Variants in NRG3 observed in about 807,000 individuals in gnomAD.
NRG3 encodes the protein neuregulin 3.
Under a neutral mutation model 66.9 loss-of-function variants are expected in NRG3, and 31 were observed. The observed-to-expected ratio is 0.46, with a 90% confidence interval of 0.35 to 0.63. The LOEUF (loss-of-function observed/expected upper bound fraction) is 0.63, where lower values mean the gene tolerates loss of function less well. Among genes scored for constraint, NRG3 ranks in the 20% least tolerant of loss-of-function variants. The probability of loss-of-function intolerance (pLI) is 0.00; values close to 1 mark genes in which losing one functional copy is unlikely to be tolerated. For missense variants in NRG3, 910 were observed against 878.9 expected (o/e 1.04, Z -0.45); for synonymous variants, 393 against 359.4 (o/e 1.09, Z -1.06).
rs971245450 is a variant in NRG3, at chr10:82,637,189, AT to A, written c.954-101381del. Among the ~76,000 whole-genome samples, 162 of 152,226 alleles carry A rather than the reference AT, an allele frequency of 1.1e-3. 2 individuals carry two copies. Among genetic ancestry groups the A allele is most frequent in the African/African-American group, 3.7e-3 (154 of 41,564 alleles). Reference sequence around the variant, plus strand: ...GCCTTAAGTATACACAATAAAATTTATTTTTTTAAATGATGAGAATATATTA... The same window carrying A: ...GCCTTAAGTATACACAATAAAATTTATTTTTTAAATGATGAGAATATATTA... On this transcript the variant is annotated intron_variant, in intron 2 of 8. Coordinates refer to ENST00000372141, the MANE Select transcript of NRG3 (RefSeq NM_001010848.4).
intron 1 of NRG3, among the ~76,000 whole-genome samples, chr10:82,036,580 A>T (rs7086804): frequency 6.6e-6 from 1 of 151,948 alleles, no homozygotes; most frequent in Non-Finnish European, 1.5e-5. Flanking sequence ...ATGGAAGAAT[A>T]TCCTTCATAT....
intron 3 of NRG3, among the ~76,000 whole-genome samples, chr10:82,773,230 T>G (rs1380670189): frequency 6.6e-6 from 1 of 152,176 alleles, no homozygotes; most frequent in African/African-American, 2.4e-5. Flanking sequence ...ACTTTCCAAC[T>G]GGGTTCACCT....
intron 4 of NRG3, among the ~76,000 whole-genome samples, chr10:82,899,804 A>G (rs2131867602): frequency 6.6e-6 from 1 of 152,326 alleles, no homozygotes; most frequent in African/African-American, 2.4e-5. Flanking sequence ...GACATCCTCA[A>G]GTACTAATAG....
chr10:82,064,410 T>C (rs1392755071), intron 1 of NRG3, among the ~76,000 whole-genome samples: 1 of 151,964 alleles, frequency 6.6e-6, no homozygotes, highest in East Asian at 1.9e-4. Context: ...AAAAATCCCA[T>C]TCACTAATCA....
intron 1 of NRG3, among the ~76,000 whole-genome samples, chr10:81,899,474 C>T (rs941114874): frequency 6.6e-6 from 1 of 152,212 alleles, no homozygotes; most frequent in African/African-American, 2.4e-5. Context: ...ATCATGATTC[C>T]ATTTCTCTTT....
chr10:82,830,835 A>G (rs1021172216), intron 3 of NRG3, among the ~76,000 whole-genome samples: 1 of 152,184 alleles, frequency 6.6e-6, no homozygotes, highest in Non-Finnish European at 1.5e-5. Context: ...TGTACTTCAA[A>G]TTAGGGAACA....
At chr10:82,472,135 G>T (rs1490853292) in intron 2 of NRG3, among the ~76,000 whole-genome samples, 1 of 151,856 alleles carries the variant, frequency 6.6e-6, no homozygotes, top group Non-Finnish European at 1.5e-5. Flanking sequence ...ATTAACCATG[G>T]TCAAATTCTT....
intron 2 of NRG3, among the ~76,000 whole-genome samples, chr10:82,385,374 G>A (rs2085911765): frequency 6.6e-6 from 1 of 151,880 alleles, no homozygotes; most frequent in Non-Finnish European, 1.5e-5. Context: ...TTTCTTCTCA[G>A]ACAATCAAGA....
chr10:82,308,814 G>C (rs1046407721), intron 1 of NRG3, among the ~76,000 whole-genome samples: 1 of 152,068 alleles, frequency 6.6e-6, no homozygotes, highest in Admixed American at 6.5e-5. Flanking sequence ...GAGCTCCACC[G>C]TACCTTAAGC....
At chr10:82,360,968 T>A (rs748868077) in intron 2 of NRG3, among the ~76,000 whole-genome samples, 12 of 152,188 alleles carry the variant, frequency 7.9e-5, no homozygotes, top group Non-Finnish European at 1.8e-4. Flanking sequence ...TTAGATTAGA[T>A]CACATCCTCA....
chr10:82,502,542 A>G (rs188807077), intron 2 of NRG3, among the ~76,000 whole-genome samples: 33 of 152,318 alleles, frequency 2.2e-4, no homozygotes, highest in Admixed American at 1.7e-3. Context: ...TATTTCAATG[A>G]AAACTTCTAA....
rs1356024202 is a variant in NRG3 at position 81,888,617 on chromosome 10, C to T, written c.823+12454C>T. Among the ~76,000 whole-genome samples, 3 of 151,894 alleles carry T rather than the reference C, an allele frequency of 2.0e-5. No individual in the cohort carries two copies. In the East Asian group the frequency reaches 5.8e-4, roughly 29 times the overall value. On this transcript the variant is annotated intron_variant, in intron 1 of 8. Transcript: ENST00000372141. ...AGGCAGAGTAATAGAGAAGGGAGGCCCAGGGAGGGAAAGGTCATTAATAAA... is the reference window on the plus strand; with the variant it reads ...AGGCAGAGTAATAGAGAAGGGAGGCTCAGGGAGGGAAAGGTCATTAATAAA...
intron 1 of NRG3, among the ~76,000 whole-genome samples, chr10:82,227,635 T>C (rs1215267545): frequency 1.3e-5 from 2 of 152,156 alleles, no homozygotes; most frequent in Non-Finnish European, 2.9e-5. Flanking sequence ...TGACAAACTC[T>C]GGGAATGATT....
intron 2 of NRG3, among the ~76,000 whole-genome samples, chr10:82,703,221 T>C (rs1474099180): frequency 6.6e-6 from 1 of 152,114 alleles, no homozygotes; most frequent in Non-Finnish European, 1.5e-5. Flanking sequence ...TTGTATGAGA[T>C]ATTTTTAGGG....
At chr10:82,456,490 A>G (rs2091273317) in intron 2 of NRG3, among the ~76,000 whole-genome samples, 1 of 152,086 alleles carries the variant, frequency 6.6e-6, no homozygotes, top group African/African-American at 2.4e-5. Flanking sequence ...TAAGACAAAA[A>G]CACACACACT....
intron 2 of NRG3, among the ~76,000 whole-genome samples, chr10:82,385,737 T>C (rs1338078575): frequency 1.3e-5 from 2 of 152,186 alleles, no homozygotes; most frequent in African/African-American, 4.8e-5. Context: ...AATTATAGGA[T>C]ACAAATTTTG....
intron 2 of NRG3, among the ~76,000 whole-genome samples, chr10:82,463,428 A>G (rs1392184353): frequency 6.6e-6 from 1 of 152,188 alleles, no homozygotes; most frequent in Non-Finnish European, 1.5e-5. Context: ...GATGTTGGGA[A>G]ACCATATTCT....
intron 2 of NRG3, among the ~76,000 whole-genome samples, chr10:82,388,454 T>C (rs75238168): frequency 0.025 from 3,776 of 152,286 alleles, 175 homozygotes; most frequent in African/African-American, 0.087. Flanking sequence ...GTGATCAAGA[T>C]GTGAGACAGG....
chr10:81,944,631 A>G (rs1848682426), intron 1 of NRG3, among the ~76,000 whole-genome samples: 1 of 152,294 alleles, frequency 6.6e-6, no homozygotes, highest in African/African-American at 2.4e-5. Flanking sequence ...AGGCAATGAT[A>G]TGCCTCATCT....
Sources: allele counts gnomAD v4.1 joint callset (sites outside exome capture counted in the v4.1 genomes callset), GRCh38; gene constraint gnomAD v4.1.1; transcripts MANE v1.5; gene names NCBI Gene and HGNC (gene_info 2026-07-23, HGNC 2026-07-21).